RSRP1: variants seen among roughly 807,000 people sequenced by gnomAD.
RSRP1 encodes arginine/serine-rich protein 1.
RSRP1 carries 37 observed loss-of-function variants against 33.0 expected under a neutral mutation model. The ratio of observed to expected loss-of-function variants is 1.12; its 90% CI spans 0.86 to 1.48. The LOEUF is 1.48. Ranked by LOEUF, RSRP1 falls within the 40% of genes most tolerant of loss-of-function variation. The pLI is 0.00. For missense variants in RSRP1, 402 were observed against 385.3 expected (o/e 1.04, Z -0.36); for synonymous variants, 167 against 158.7 (o/e 1.05, Z -0.40).
chr1:25,320,729 C>G (rs1167872768), intron 1 of RSRP1, among the ~76,000 whole-genome samples: 1 of 132,106 alleles, frequency 7.6e-6, no homozygotes. Flanking sequence ...TATGGCCAAG[C>G]TATCTGGGCA....
In RSRP1 at chr1:25,331,420, A is replaced by G. The variant is rs377322525; in HGVS notation, c.-67+6558T>C. 4.4e-4 allele frequency among the ~76,000 whole-genome samples: 58 copies of G among 132,532 alleles called. 7 individuals carry two copies. Among genetic ancestry groups the G allele is most frequent in the East Asian group, 4.3e-3 (22 of 5,090 alleles). 86.9% of individuals were successfully genotyped at this position (132,532 alleles called of 152,430 possible). ...CAAAAGATGAATCTGAGGGAGCTCA[A>G]TTCAGTAAATAGCAGTAGTCATTAA... On this transcript the variant is annotated intron_variant, in intron 1 of 1. Transcript: ENST00000561867.
At chr1:25,299,600 A>C (rs1339390343) in intron 1 of RSRP1, among the ~76,000 whole-genome samples, 1 of 128,568 alleles carries the variant, frequency 7.8e-6, no homozygotes, top group Non-Finnish European at 1.8e-5. Context: ...GAGGATGAGC[A>C]AGTGGAGGAG....
Position 25,286,275 on chromosome 1 carries a change from G to A in RSRP1, c.-66-39246C>T, listed in dbSNP as rs1034896435. 4.4e-5 allele frequency among the ~76,000 whole-genome samples: 6 copies of A among 135,396 alleles called. 1 individual carries two copies. The highest frequency in any genetic ancestry group is 1.5e-4 in the African/African-American group (6 of 39,254). 88.8% of individuals were successfully genotyped at this position (135,396 alleles called of 152,430 possible). On this transcript the variant is annotated intron_variant, in intron 1 of 1. Coordinates refer to the RSRP1 transcript ENST00000561867. The stretch of plus-strand genomic sequence containing the variant: ...GAACCGAGGTGGGCAGATCACTTGA[G>A]CCCAGAAGTTTAAGACCAGCCTGAC...
At chr1:25,244,994 T>C in intron 3 of RSRP1, 156 bp downstream of exon 3, 2 of 1,522,612 alleles carry the variant, frequency 1.3e-6, no homozygotes, top group Non-Finnish European at 1.8e-6. Flanking sequence ...TTTTCATGGG[T>C]TTGACATTGC....
chr1:25,318,591 A>G (rs1644535553), intron 1 of RSRP1, among the ~76,000 whole-genome samples: 1 of 131,530 alleles, frequency 7.6e-6, no homozygotes, highest in African/African-American at 2.6e-5. Context: ...GTCTCAAAAA[A>G]AAAAGAAAGA....
chr1:25,331,104 A>T (rs538041296), intron 1 of RSRP1, among the ~76,000 whole-genome samples: 1 of 127,156 alleles, frequency 7.9e-6, no homozygotes, highest in South Asian at 2.4e-4. Context: ...AGTAGCTGGG[A>T]CTACAGGTGC....
intron 3 of RSRP1, 84 bp downstream of exon 3, chr1:25,245,066 A>T: frequency 6.2e-7 from 1 of 1,611,436 alleles, no homozygotes; most frequent in Non-Finnish European, 8.5e-7. Flanking sequence ...CTTCCCAAAA[A>T]GTATAGTCTA....
chr1:25,280,517 G>T lies in RSRP1; in HGVS notation c.-66-33488C>A, dbSNP rs547117253. ...GACGGGGTTTCACCATGTTGGCCAG[G>T]CTGGTCTCAAACTCCTGACTTCAAG... On this transcript the variant is annotated intron_variant, in intron 1 of 1. Transcript: ENST00000561867. Among the ~76,000 whole-genome samples the T allele has an allele frequency of 4.4e-4, 56 of 127,742 alleles. 10 individuals carry two copies. The highest frequency in any genetic ancestry group is 4.3e-3 in the Middle Eastern group (1 of 234). The allele number at this position is 127,742 out of a possible 152,430, so 83.8% of individuals were successfully genotyped here. A position where few individuals can be genotyped will look rare whatever the true frequency, so the allele number is the denominator to read the frequency against.
rs1174521434 is a variant in RSRP1, at chr1:25,297,458, A to G, written c.-67+40520T>C. ...ACATCTTGTGAGGAGATAATTTCCT[A>G]TAGAAATCCTGTTGATCATCCAACT... On this transcript the variant is annotated intron_variant, in intron 1 of 1. Coordinates refer to the RSRP1 transcript ENST00000561867. 4.5e-5 allele frequency among the ~76,000 whole-genome samples: 5 copies of G among 110,704 alleles called. 1 individual carries two copies. Among genetic ancestry groups the G allele is most frequent in the African/African-American group, 1.5e-4 (5 of 32,896 alleles). 72.6% of individuals were successfully genotyped at this position (110,704 alleles called of 152,430 possible). A position where few individuals can be genotyped will look rare whatever the true frequency, so the allele number is the denominator to read the frequency against.
intron 1 of RSRP1, chr1:25,303,275 TTCTC>T (rs201798270): frequency 0.11 from 126,577 of 1,199,910 alleles, 35,263 homozygotes; most frequent in Non-Finnish European, 0.13. Flanking sequence ...CAAGATGGTG[TTCTC>T]TCTCTACCTT....
rs1178992704 is a variant in RSRP1 at position 25,280,766 on chromosome 1, C to T, written c.-66-33737G>A. 1.5e-5 allele frequency among the ~76,000 whole-genome samples: 2 copies of T among 130,982 alleles called. 1 individual carries two copies. The highest frequency in any genetic ancestry group is 5.2e-5 in the African/African-American group (2 of 38,264). 85.9% of individuals were successfully genotyped at this position (130,982 alleles called of 152,430 possible). On this transcript the variant is annotated intron_variant, in intron 1 of 1. Coordinates refer to the RSRP1 transcript ENST00000561867. ...AGCTGGGACTACAGGCACTCGCCAC[C>T]ACGCCCAAGTAATTTTGTATTTTTT... is the stretch of plus-strand genomic sequence containing the variant.
intron 1 of RSRP1, among the ~76,000 whole-genome samples, chr1:25,295,691 AAAGGCTG>A (rs1400175641): frequency 9.3e-6 from 1 of 107,078 alleles, no homozygotes; most frequent in Non-Finnish European, 2.2e-5. Context: ...TGATGGAGAG[AAAGGCTG>A]AAGGGCAGGG....
upstream of RSRP1, among the ~76,000 whole-genome samples, chr1:25,249,235 TAC>T (rs1210393538): frequency 5.9e-5 from 9 of 152,212 alleles, no homozygotes; most frequent in Non-Finnish European, 1.5e-5. Flanking sequence ...ATACTTACGA[TAC>T]AGTTTTGAGC....
intron 1 of RSRP1, among the ~76,000 whole-genome samples, chr1:25,276,523 C>T (rs1162455269): frequency 3.3e-5 from 2 of 59,954 alleles, no homozygotes; most frequent in African/African-American, 1.4e-4. Context: ...GGAGACCCCC[C>T]CCCATCTCTA....
At chr1:25,310,214 T>A (rs1378528433) in intron 1 of RSRP1, among the ~76,000 whole-genome samples, 1 of 133,552 alleles carries the variant, frequency 7.5e-6, no homozygotes, top group East Asian at 2.0e-4. Flanking sequence ...AAATTTCATG[T>A]GCTGGAAACT....
In RSRP1 at chr1:25,330,258, A is replaced by G. The variant is rs1194634813; in HGVS notation, c.-67+7720T>C. 25 of 132,816 alleles carry G rather than the reference A, an allele frequency of 1.9e-4. 1 individual carries two copies. Among genetic ancestry groups the G allele is most frequent in the African/African-American group, 6.2e-4 (24 of 38,726 alleles). The allele number at this position is 132,816 out of a possible 1,614,324, so 8.2% of individuals were successfully genotyped here. ...TTTCTTAGGCACTTCTTAACAGACA[A>G]TTGGTCAAAATGAACTCCATTGCTT... is the stretch of plus-strand genomic sequence containing the variant. On this transcript the variant is annotated intron_variant, in intron 1 of 1. Coordinates refer to the RSRP1 transcript ENST00000561867.
Position 25,242,403 on chromosome 1 carries a change from A to C in RSRP1, c.*186T>G, listed in dbSNP as rs183120229. On this transcript the variant is annotated 3_prime_UTR_variant, in exon 5 of 5. Coordinates refer to ENST00000243189, the MANE Select transcript of RSRP1 (RefSeq NM_020317.5). ...GCATAACCTTTGGTCCATCTGTGCT[A>C]TCTCTCATATCTGCAAGAGAAACCT... 355 of 473,388 alleles carry C rather than the reference A, an allele frequency of 7.5e-4. 1 individual carries two copies. Among genetic ancestry groups the C allele is most frequent in the African/African-American group, 5.3e-3 (274 of 51,724 alleles). The allele number at this position is 473,388 out of a possible 1,614,324, so 29.3% of individuals were successfully genotyped here. A position where few individuals can be genotyped will look rare whatever the true frequency, so the allele number is the denominator to read the frequency against.
chr1:25,250,393 C>T (rs1639738304), upstream of RSRP1, among the ~76,000 whole-genome samples: 1 of 152,162 alleles, frequency 6.6e-6, no homozygotes, highest in Non-Finnish European at 1.5e-5. Context: ...TGGAGTCTGT[C>T]CGGCTCTGTC....
At chr1:25,283,041 G>A (rs1641641475) in intron 1 of RSRP1, among the ~76,000 whole-genome samples, 1 of 133,110 alleles carries the variant, frequency 7.5e-6, no homozygotes, top group African/African-American at 2.6e-5. Flanking sequence ...ATTCATGTGC[G>A]AAAACAGTTG....
Sources: gnomAD v4.1 joint callset for allele counts (sites outside exome capture counted in the v4.1 genomes callset) on GRCh38, gnomAD v4.1.1 for gene constraint, MANE v1.5 for transcripts, NCBI Gene and HGNC (gene_info 2026-07-23, HGNC 2026-07-21) for gene names.